PSMB2: variants seen among roughly 807,000 people sequenced by gnomAD.
PSMB2 encodes the protein proteasome 20S subunit beta 2.
Under a neutral mutation model 25.7 loss-of-function variants are expected in PSMB2, and 13 were observed. The observed-to-expected ratio is 0.51, with a 90% confidence interval of 0.33 to 0.80. The LOEUF (loss-of-function observed/expected upper bound fraction) is 0.80. Ranked by LOEUF, PSMB2 falls within the 30% of genes least tolerant of loss-of-function variation. PSMB2 has a pLI of 0.02. For synonymous variants in PSMB2, 87 were observed against 96.2 expected, an observed-to-expected ratio of 0.90 and a Z score of 0.56; for missense variants, 202 against 259.0, an observed-to-expected ratio of 0.78 and a Z score of 1.51.
At chr1:35,607,777 C>T (rs1011174381) in intron 4 of PSMB2, among the ~76,000 whole-genome samples, 16 of 152,082 alleles carry the variant, frequency 1.1e-4, no homozygotes, top group African/African-American at 3.9e-4. Flanking sequence ...TTCACAATAG[C>T]CAAGATATGG....
intron 3 of PSMB2, among the ~76,000 whole-genome samples, chr1:35,618,449 G>C (rs1450531519): frequency 6.7e-6 from 1 of 150,128 alleles, no homozygotes; most frequent in African/African-American, 2.5e-5. Flanking sequence ...GCACATGGAA[G>C]AAAGTAAAGA....
At chr1:35,637,151 C>CA (rs1446832034) in intron 1 of PSMB2, among the ~76,000 whole-genome samples, 2 of 152,094 alleles carry the variant, frequency 1.3e-5, no homozygotes, top group Admixed American at 1.3e-4. Context: ...TCCACAACTA[C>CA]AAATGTTAGT....
chr1:35,600,744 G>C lies in PSMB2; in HGVS notation c.*2523C>G. ...ATTGGCAAAAAAACACTGAGAGTCA[G>C]GATGGGTTTGCAGGCTTGCCTGAGA... On this transcript the variant is annotated 3_prime_UTR_variant, in exon 6 of 6. Transcript: ENST00000373237. 1.0e-6 allele frequency: 1 copy of C among 985,414 alleles called. No homozygotes were observed. Among genetic ancestry groups the C allele is most frequent in the Non-Finnish European group, 1.2e-6 (1 of 829,938 alleles). 61.0% of individuals were successfully genotyped at this position (985,414 alleles called of 1,614,324 possible).
intron 3 of PSMB2, among the ~76,000 whole-genome samples, chr1:35,628,590 AAAAAAAAT>A (rs1308487014): frequency 1.8e-4 from 3 of 16,574 alleles, no homozygotes; most frequent in Admixed American, 9.7e-4. Context: ...AAAAAAAAAA[AAAAAAAAT>A]ATATATATAT....
At chr1:35,632,014 T>C (rs1328261153) in intron 2 of PSMB2, among the ~76,000 whole-genome samples, 1 of 151,804 alleles carries the variant, frequency 6.6e-6, no homozygotes, top group Non-Finnish European at 1.5e-5. Context: ...CAAGACCCTG[T>C]CTCTAAAAAA....
intron 3 of PSMB2, among the ~76,000 whole-genome samples, chr1:35,617,185 A>C (rs1483949719): frequency 6.6e-6 from 1 of 152,162 alleles, no homozygotes; most frequent in Non-Finnish European, 1.5e-5. Flanking sequence ...AGTAGCTGGT[A>C]TAACAGGCGC....
At position 35,624,689 on chromosome 1, in the gene PSMB2, GT is replaced by G. The variant is rs145200849; in HGVS notation, c.285+6584del. The stretch of plus-strand genomic sequence containing the variant: ...AATTGCTCAAACCCAGGAGGCAGAG[GT>G]TGCAGTGAGCCGAGATTACACCACT... On this transcript the variant is annotated intron_variant, in intron 3 of 5. Transcript: ENST00000373237. Among the ~76,000 whole-genome samples, 532 of 151,936 alleles carry G rather than the reference GT, an allele frequency of 3.5e-3. 2 individuals carry two copies. Among genetic ancestry groups the G allele is most frequent in the African/African-American group, 0.012 (501 of 41,436 alleles).
intron 3 of PSMB2, among the ~76,000 whole-genome samples, chr1:35,630,792 T>A (rs1161873527): frequency 6.6e-6 from 1 of 152,178 alleles, no homozygotes; most frequent in African/African-American, 2.4e-5. Context: ...TCCAAACCCA[T>A]AACATCCACA....
chr1:35,601,312 C>T lies in PSMB2; in HGVS notation c.*1955G>A, dbSNP rs1229118421. The T allele has an allele frequency of 2.9e-5, 27 of 926,638 alleles. No homozygotes were observed. The highest frequency in any genetic ancestry group is 3.5e-5 in the Non-Finnish European group (27 of 777,026). The allele number at this position is 926,638 out of a possible 1,614,324, so 57.4% of individuals were successfully genotyped here. On this transcript the variant is annotated 3_prime_UTR_variant, in exon 6 of 6. Coordinates refer to ENST00000373237, the MANE Select transcript of PSMB2 (RefSeq NM_002794.5). ...TCTTGAACTCCTGACCTCAGGTGAT[C>T]CGCCCGCCTCGGCGGGCGGCCAAAG...
In PSMB2 at chr1:35,600,450, G is replaced by A. The variant is rs1649956851; in HGVS notation, c.*2817C>T. On this transcript the variant is annotated 3_prime_UTR_variant, in exon 6 of 6. Transcript: ENST00000373237. ...TACAGAAACTGAATAAGGGGTATAA[G>A]GACACCATATTATCTTTGCAACTTT... 1.1e-6 allele frequency: 1 copy of A among 896,042 alleles called. No individual in the cohort carries two copies. The highest frequency in any genetic ancestry group is 1.3e-6 in the Non-Finnish European group (1 of 748,892). 55.5% of individuals were successfully genotyped at this position (896,042 alleles called of 1,614,324 possible).
At chr1:35,622,844 A>G (rs1650730762) in intron 3 of PSMB2, among the ~76,000 whole-genome samples, 3 of 152,078 alleles carry the variant, frequency 2.0e-5, no homozygotes, top group African/African-American at 7.2e-5. Context: ...AAGAAAAAAA[A>G]ATTTCCTGAT....
rs530553849 is a variant in PSMB2, at chr1:35,601,224, G to A, written c.*2043C>T. On this transcript the variant is annotated 3_prime_UTR_variant, in exon 6 of 6. Coordinates refer to ENST00000373237, the MANE Select transcript of PSMB2 (RefSeq NM_002794.5). The stretch of plus-strand genomic sequence containing the variant: ...TGGGTTTACAGGCGTGTGCCACCAC[G>A]CCTGGCTAATTGTTATATATTTTTT... 6.5e-5 allele frequency: 37 copies of A among 566,246 alleles called. No individual in the cohort carries two copies. The highest frequency in any genetic ancestry group is 1.3e-4 in the Admixed American group (2 of 15,670). The allele number at this position is 566,246 out of a possible 1,614,324, so 35.1% of individuals were successfully genotyped here.
rs570909707 is a variant in PSMB2, at chr1:35,602,651, C to A, written c.*616G>T. The A allele has an allele frequency of 6.5e-6, 1 of 154,092 alleles. No individual in the cohort carries two copies. The highest frequency in any genetic ancestry group is 1.4e-5 in the Non-Finnish European group (1 of 69,706). The allele number at this position is 154,092 out of a possible 1,614,324, so 9.5% of individuals were successfully genotyped here. ...TAGCTGGGACTAGGGGTGCGTGCCACCACGCCCAGCTAATTTTTGTATTTT... is the reference window on the plus strand; with the variant it reads ...TAGCTGGGACTAGGGGTGCGTGCCAACACGCCCAGCTAATTTTTGTATTTT... On this transcript the variant is annotated 3_prime_UTR_variant, in exon 6 of 6. Coordinates refer to ENST00000373237, the MANE Select transcript of PSMB2 (RefSeq NM_002794.5).
chr1:35,628,597 AT>A (rs57555873), intron 3 of PSMB2, among the ~76,000 whole-genome samples: 836 of 21,444 alleles, frequency 0.039, 14 homozygotes, highest in Non-Finnish European at 0.052. Flanking sequence ...AAAAAAAAAA[AT>A]ATATATATAT....
In PSMB2 at chr1:35,602,380, T is replaced by C. The variant is rs1048687468; in HGVS notation, c.*887A>G. On this transcript the variant is annotated 3_prime_UTR_variant, in exon 6 of 6. Coordinates refer to ENST00000373237, the MANE Select transcript of PSMB2 (RefSeq NM_002794.5). ...TTTAAAGGGGGCATGTGTCTGTATG[T>C]ATGTATACTTTACACAGTAACAGAA... The C allele has an allele frequency of 7.2e-5, 11 of 152,228 alleles. No homozygotes were observed. Among genetic ancestry groups the C allele is most frequent in the Non-Finnish European group, 1.6e-4 (11 of 68,040 alleles). The allele number at this position is 152,228 out of a possible 1,614,324, so 9.4% of individuals were successfully genotyped here.
Position 35,615,018 on chromosome 1 carries a change from G to A in PSMB2, c.286-5610C>T, listed in dbSNP as rs1190786349. ...ACCCATCATTATAAGGTTGTGGTAA[G>A]GTTTAGATAAATACATGTAAAGTGC... On this transcript the variant is annotated intron_variant, in intron 3 of 5. Coordinates refer to ENST00000373237, the MANE Select transcript of PSMB2 (RefSeq NM_002794.5). Among the ~76,000 whole-genome samples the A allele has an allele frequency of 3.3e-5, 5 of 152,186 alleles. No homozygotes were observed. The East Asian group carries it at 9.6e-4, about 29-fold the overall frequency.
intron 1 of PSMB2, among the ~76,000 whole-genome samples, chr1:35,640,036 G>T (rs1380229258): frequency 7.3e-6 from 1 of 136,828 alleles, no homozygotes; most frequent in African/African-American, 2.7e-5. Flanking sequence ...AGTGAGTCCA[G>T]ACATTTTGCC....
chr1:35,611,071 C>A lies in PSMB2; in HGVS notation c.286-1663G>T, dbSNP rs1311660095. 3.3e-5 allele frequency among the ~76,000 whole-genome samples: 5 copies of A among 152,212 alleles called. No homozygotes were observed. The East Asian group carries it at 7.7e-4, about 23-fold the overall frequency. On this transcript the variant is annotated intron_variant, in intron 3 of 5. Coordinates refer to ENST00000373237, the MANE Select transcript of PSMB2 (RefSeq NM_002794.5). ...CCCCAGGCATCAGGGGTGGGACTTC[C>A]ATTTTATATGGCTTTCTTTTTCTCT...
Position 35,600,092 on chromosome 1 carries a change from A to C in PSMB2, c.*3175T>G. The C allele has an allele frequency of 6.0e-6, 5 of 827,856 alleles. No homozygotes were observed. Among genetic ancestry groups the C allele is most frequent in the Non-Finnish European group, 7.3e-6 (5 of 686,632 alleles). The allele number at this position is 827,856 out of a possible 1,614,324, so 51.3% of individuals were successfully genotyped here. On this transcript the variant is annotated 3_prime_UTR_variant, in exon 6 of 6. Coordinates refer to ENST00000373237, the MANE Select transcript of PSMB2 (RefSeq NM_002794.5). ...TCAAGTGAACTTACTGCAGTAAGCT[A>C]CGATCGTGCCACTGTACTCCAGCCT...
Sources: allele counts gnomAD v4.1 joint callset (sites outside exome capture counted in the v4.1 genomes callset), GRCh38; gene constraint gnomAD v4.1.1; transcripts MANE v1.5; gene names NCBI Gene and HGNC (gene_info 2026-07-23, HGNC 2026-07-21).